BFSP2: variants seen among roughly 807,000 people sequenced by gnomAD.
BFSP2 encodes beaded filament structural protein 2, also known as phakinin.
BFSP2 carries 38 observed loss-of-function variants against 44.9 expected under a neutral mutation model. The observed-to-expected ratio is 0.85, with a 90% CI of 0.65 to 1.11. The LOEUF is 1.11. Ranked by LOEUF, BFSP2 falls within the 50% of genes least tolerant of loss-of-function variation. The pLI is 0.00. For synonymous variants in BFSP2, 197 were observed against 209.9 expected, an observed-to-expected ratio of 0.94 and a Z score of 0.53; for missense variants, 525 against 533.0, an observed-to-expected ratio of 0.99 and a Z score of 0.15.
intron 1 of BFSP2, among the ~76,000 whole-genome samples, chr3:133,430,904 C>G (rs546852348): frequency 1.3e-5 from 2 of 152,126 alleles, no homozygotes; most frequent in Non-Finnish European, 2.9e-5. Context: ...ACACCTGGTC[C>G]GGCTTATGGT....
intron 1 of BFSP2, among the ~76,000 whole-genome samples, chr3:133,403,709 G>A (rs537125293): frequency 6.6e-6 from 1 of 152,144 alleles, no homozygotes; most frequent in Admixed American, 6.5e-5. Flanking sequence ...AGTTGGAAAG[G>A]AGACAGGCTC....
chr3:133,430,244 G>A (rs1419185622), intron 1 of BFSP2, among the ~76,000 whole-genome samples: 3 of 152,060 alleles, frequency 2.0e-5, no homozygotes, highest in Non-Finnish European at 2.9e-5. Flanking sequence ...ATAGCAGCAT[G>A]ATTTATAATC....
intron 4 of BFSP2, among the ~76,000 whole-genome samples, chr3:133,452,736 G>A (rs572753147): frequency 3.3e-5 from 5 of 152,090 alleles, no homozygotes; most frequent in Non-Finnish European, 5.9e-5. Context: ...GGGCTGCATC[G>A]TTTCTCCCCT....
At chr3:133,445,536 C>T (rs187574146) in intron 1 of BFSP2, 2 of 152,188 alleles carry the variant, frequency 1.3e-5, no homozygotes, top group African/African-American at 4.8e-5. Flanking sequence ...TACAGTCAGT[C>T]CTTCACATCC....
chr3:133,422,757 C>A (rs571823271), intron 1 of BFSP2, among the ~76,000 whole-genome samples: 32 of 152,386 alleles, frequency 2.1e-4, no homozygotes, highest in Admixed American at 1.0e-3. Context: ...TTACCCCCAG[C>A]CCAGCACCTG....
In BFSP2 at chr3:133,458,504, G is replaced by A. The variant is rs138832477; in HGVS notation, c.891+8040G>A. 7.5e-3 allele frequency among the ~76,000 whole-genome samples: 1,135 copies of A among 152,244 alleles called. 20 individuals carry two copies. The highest frequency in any genetic ancestry group is 0.025 in the African/African-American group (1,058 of 41,524). ...AGGTCAGGAGTTCAAGACCAGCCTG[G>A]CCAACATGGTGAAACCACGTCTCTA... is the stretch of plus-strand genomic sequence containing the variant. On this transcript the variant is annotated intron_variant, in intron 4 of 6. Transcript: ENST00000302334.
chr3:133,411,321 AAAAT>A (rs1427687633), intron 1 of BFSP2, among the ~76,000 whole-genome samples: 5 of 152,092 alleles, frequency 3.3e-5, no homozygotes, highest in Admixed American at 6.5e-5. Context: ...TCCAGTAAGA[AAAAT>A]AAATAAAGAG....
intron 1 of BFSP2, among the ~76,000 whole-genome samples, chr3:133,403,069 C>G (rs912253836): frequency 2.0e-5 from 3 of 152,158 alleles, no homozygotes; most frequent in African/African-American, 7.2e-5. Context: ...AATCTGGCCT[C>G]GTGGAGCTGC....
At chr3:133,433,203 C>T (rs542093599) in intron 1 of BFSP2, among the ~76,000 whole-genome samples, 5 of 152,280 alleles carry the variant, frequency 3.3e-5, no homozygotes, top group South Asian at 2.1e-4. Flanking sequence ...ATCCACCTGA[C>T]ATTCATCCCA....
intron 1 of BFSP2, among the ~76,000 whole-genome samples, chr3:133,427,686 C>T (rs1383949417): frequency 6.6e-6 from 1 of 152,226 alleles, no homozygotes; most frequent in Non-Finnish European, 1.5e-5. Flanking sequence ...CTGGCAACAA[C>T]ACACTAAACT....
In BFSP2 at chr3:133,446,642, A is replaced by G. The variant is rs28718971; in HGVS notation, c.490-675A>G. On this transcript the variant is annotated intron_variant, in intron 1 of 6. Coordinates refer to ENST00000302334, the MANE Select transcript of BFSP2 (RefSeq NM_003571.4). ...TATATATATATATATATATATATAA[A>G]GGAGTTTCTTGGGTTGAAGGGAGGA... Among the ~76,000 whole-genome samples, 178 of 96,792 alleles carry G rather than the reference A, an allele frequency of 1.8e-3. 2 individuals carry two copies. Among genetic ancestry groups the G allele is most frequent in the African/African-American group, 6.6e-3 (171 of 26,100 alleles). The allele number at this position is 96,792 out of a possible 152,430, so 63.5% of individuals were successfully genotyped here. A position where few individuals can be genotyped will look rare whatever the true frequency, so the allele number is the denominator to read the frequency against.
chr3:133,429,610 T>G (rs2107903022), intron 1 of BFSP2: 1 of 152,330 alleles, frequency 6.6e-6, no homozygotes, highest in East Asian at 1.9e-4. Flanking sequence ...ACATATTATT[T>G]CCATCTGCAA....
intron 1 of BFSP2, among the ~76,000 whole-genome samples, chr3:133,428,788 C>A (rs2073678977): frequency 6.6e-6 from 1 of 152,204 alleles, no homozygotes; most frequent in Admixed American, 6.5e-5. Context: ...TTCCCTAAGG[C>A]CACACTTCCA....
At chr3:133,446,402 C>A in intron 1 of BFSP2, among the ~76,000 whole-genome samples, 1 of 150,988 alleles carries the variant, frequency 6.6e-6, no homozygotes, top group Non-Finnish European at 1.5e-5. Context: ...GCCTGGGCAA[C>A]AAAGCAAGAC....
In BFSP2 at chr3:133,435,807, A is replaced by T. The variant is rs548017490; in HGVS notation, c.490-11510A>T. Among the ~76,000 whole-genome samples the T allele has an allele frequency of 2.0e-5, 3 of 152,314 alleles. No individual in the cohort carries two copies. In the South Asian group the frequency reaches 6.2e-4, roughly 32 times the overall value. On this transcript the variant is annotated intron_variant, in intron 1 of 6. Transcript: ENST00000302334. ...CATTTTATTCTTTCTTAAATGAATT[A>T]TCCATTTGTAAACTGCTGATTTCTT...
chr3:133,452,833 T>C (rs1215027007), intron 4 of BFSP2, among the ~76,000 whole-genome samples: 19 of 152,138 alleles, frequency 1.2e-4, no homozygotes, highest in Admixed American at 1.2e-3. Context: ...TGCACCACAC[T>C]GTGGTAACTG....
intron 4 of BFSP2, among the ~76,000 whole-genome samples, chr3:133,452,242 A>G (rs1382066641): frequency 2.0e-5 from 3 of 152,180 alleles, no homozygotes; most frequent in Non-Finnish European, 4.4e-5. Context: ...CTATCCCCCA[A>G]GTATCAACAA....
intron 4 of BFSP2, chr3:133,455,320 G>A (rs1379667436): frequency 1.3e-5 from 2 of 152,190 alleles, no homozygotes; most frequent in African/African-American, 4.8e-5. Flanking sequence ...CTGCAATCAA[G>A]GTACCCACCA....
Position 133,474,957 on chromosome 3 carries a change from G to A in BFSP2, c.1245-12G>A, listed in dbSNP as rs1208113334. 6.2e-7 allele frequency: 1 copy of A among 1,614,172 alleles called. No homozygotes were observed. The highest frequency in any genetic ancestry group is 1.7e-5 in the Admixed American group (1 of 60,024). On this transcript the variant is annotated splice_polypyrimidine_tract_variant and intron_variant, in intron 6 of 6. Transcript: ENST00000302334. ...CACCCATTGCTTCTGACTCCTATGT[G>A]TTTCCTTTCAGCTGATGGAGAAACT... is the stretch of plus-strand genomic sequence containing the variant.
Sources: gnomAD v4.1 joint callset for allele counts (sites outside exome capture counted in the v4.1 genomes callset) on GRCh38, gnomAD v4.1.1 for gene constraint, MANE v1.5 for transcripts, NCBI Gene and HGNC (gene_info 2026-07-23, HGNC 2026-07-21) for gene names.